KCNJ6: variants seen among roughly 807,000 people sequenced by gnomAD.
KCNJ6 encodes potassium inwardly rectifying channel subfamily J member 6.
Under a neutral mutation model 34.2 loss-of-function variants are expected in KCNJ6, and 9 were observed. The observed-to-expected ratio is 0.26, with a 90% CI of 0.16 to 0.46. The LOEUF (loss-of-function observed/expected upper bound fraction) is 0.46, where lower values mean the gene tolerates loss of function less well. KCNJ6 is among the 20% of genes least tolerant of loss of function. The probability of loss-of-function intolerance (pLI) is 1.00; values close to 1 mark genes in which losing one functional copy is unlikely to be tolerated. For missense variants in KCNJ6, 236 were observed against 531.3 expected (o/e 0.44, Z 5.46); for synonymous variants, 196 against 207.1 (o/e 0.95, Z 0.46).
Position 37,611,795 on chromosome 21 carries a change from CAGTAAAGCAGGAATAG to C in KCNJ6, c.*13348_*13363del, listed in dbSNP as rs1435957456. 1 of 151,904 alleles carries C rather than the reference CAGTAAAGCAGGAATAG, an allele frequency of 6.6e-6. No homozygotes were observed. Among genetic ancestry groups the C allele is most frequent in the Admixed American group, 6.6e-5 (1 of 15,252 alleles). The allele number at this position is 151,904 out of a possible 1,614,324, so 9.4% of individuals were successfully genotyped here. A position where few individuals can be genotyped will look rare whatever the true frequency, so the allele number is the denominator to read the frequency against. Reference sequence around the variant, plus strand: ...AACAGTCTTTCATGATAAAAACACTCAGTAAAGCAGGAATAGAGGAGAAGCCCCTCAACCTGATAAA... The same window carrying C: ...AACAGTCTTTCATGATAAAAACACTCAGGAGAAGCCCCTCAACCTGATAAA... On this transcript the variant is annotated 3_prime_UTR_variant, in exon 4 of 4. Transcript: ENST00000609713.
At chr21:37,907,771 C>T (rs969528537) in intron 1 of KCNJ6, among the ~76,000 whole-genome samples, 5 of 152,202 alleles carry the variant, frequency 3.3e-5, no homozygotes, top group Non-Finnish European at 7.3e-5. Context: ...CCTCCTCCCC[C>T]ACATATTCTC....
chr21:37,607,482 A>ATATATATATATATATATATATT lies in KCNJ6; in HGVS notation c.*17676_*17677insAATATATATATATATATATATA. ...CTTAAAGATATATATATATATATAT[A>ATATATATATATATATATATATT]TTTTTTTTTTATTTTAAAAAAATTT... is the stretch of plus-strand genomic sequence containing the variant. On this transcript the variant is annotated 3_prime_UTR_variant, in exon 4 of 4. Transcript: ENST00000609713. 67 of 136,718 alleles carry ATATATATATATATATATATATT rather than the reference A, an allele frequency of 4.9e-4. No individual in the cohort carries two copies. The highest frequency in any genetic ancestry group is 3.4e-3 in the East Asian group (15 of 4,378). 8.5% of individuals were successfully genotyped at this position (136,718 alleles called of 1,614,324 possible).
In KCNJ6 at chr21:37,655,282, AGAGT is replaced by A. The variant is rs1308151584; in HGVS notation, c.947-29802_947-29799del. Reference sequence around the variant, plus strand: ...GAGAGAGAGAGAGAGAGAGAGAGAGAGAGTGTAACCATGAAGAGGTAATTGATAC... The same window carrying A: ...GAGAGAGAGAGAGAGAGAGAGAGAGAGTAACCATGAAGAGGTAATTGATAC... On this transcript the variant is annotated intron_variant, in intron 3 of 3. Transcript: ENST00000609713. Among the ~76,000 whole-genome samples, 60 of 106,240 alleles carry A rather than the reference AGAGT, an allele frequency of 5.6e-4. 1 individual carries two copies. Among genetic ancestry groups the A allele is most frequent in the African/African-American group, 2.4e-3 (44 of 18,378 alleles). The allele number at this position is 106,240 out of a possible 152,430, so 69.7% of individuals were successfully genotyped here. A position where few individuals can be genotyped will look rare whatever the true frequency, so the allele number is the denominator to read the frequency against.
At chr21:37,716,107 G>A (rs2054789247) in intron 2 of KCNJ6, among the ~76,000 whole-genome samples, 1 of 152,122 alleles carries the variant, frequency 6.6e-6, no homozygotes, top group Non-Finnish European at 1.5e-5. Flanking sequence ...TTGTTCCCTT[G>A]TCACTTTCCT....
intron 2 of KCNJ6, among the ~76,000 whole-genome samples, chr21:37,759,128 A>T (rs1194099751): frequency 1.3e-5 from 2 of 152,042 alleles, no homozygotes; most frequent in East Asian, 1.9e-4. Flanking sequence ...TGGGGAGGAG[A>T]TCAGCTCGCA....
At chr21:37,689,120 A>T (rs920946122) in intron 3 of KCNJ6, among the ~76,000 whole-genome samples, 1 of 152,166 alleles carries the variant, frequency 6.6e-6, no homozygotes, top group African/African-American at 2.4e-5. Flanking sequence ...CTGTTCCTCT[A>T]TCTATTGAAG....
At chr21:37,862,283 G>T (rs544102420) in intron 1 of KCNJ6, among the ~76,000 whole-genome samples, 1 of 152,204 alleles carries the variant, frequency 6.6e-6, no homozygotes, top group Admixed American at 6.5e-5. Flanking sequence ...AGGGCTGGAG[G>T]GGGTCACTAT....
chr21:37,837,750 A>C (rs182891935), intron 2 of KCNJ6, among the ~76,000 whole-genome samples: 45 of 148,058 alleles, frequency 3.0e-4, no homozygotes, highest in African/African-American at 1.1e-3. Context: ...GCCATGGTTT[A>C]TGTTCCCATC....
In KCNJ6 at chr21:37,620,830, G is replaced by A. The variant is rs2054287839; in HGVS notation, c.*4329C>T. Reference sequence around the variant, plus strand: ...TTGTTGGGTTATTATTATATATTCTGTGATTTATCAAAATCTCTTAGCAGC... The same window carrying A: ...TTGTTGGGTTATTATTATATATTCTATGATTTATCAAAATCTCTTAGCAGC... On this transcript the variant is annotated 3_prime_UTR_variant, in exon 4 of 4. Transcript: ENST00000609713. The A allele has an allele frequency of 6.6e-6, 1 of 152,176 alleles. No individual in the cohort carries two copies. Among genetic ancestry groups the A allele is most frequent in the African/African-American group, 2.4e-5 (1 of 41,436 alleles). 9.4% of individuals were successfully genotyped at this position (152,176 alleles called of 1,614,324 possible).
chr21:37,676,220 G>C (rs2054564096), intron 3 of KCNJ6, among the ~76,000 whole-genome samples: 1 of 152,210 alleles, frequency 6.6e-6, no homozygotes, highest in South Asian at 2.1e-4. Flanking sequence ...CTGACCTTTG[G>C]GTCAGCGGTG....
intron 3 of KCNJ6, among the ~76,000 whole-genome samples, chr21:37,684,896 C>T (rs1409241529): frequency 6.6e-6 from 1 of 152,122 alleles, no homozygotes; most frequent in Non-Finnish European, 1.5e-5. Flanking sequence ...CCAAGTATAA[C>T]ATAAAACTGA....
At chr21:37,654,344 C>T (rs1402342792) in intron 3 of KCNJ6, among the ~76,000 whole-genome samples, 1 of 151,906 alleles carries the variant, frequency 6.6e-6, no homozygotes, top group Non-Finnish European at 1.5e-5. Flanking sequence ...CGTCTGTCAG[C>T]TCTTCTGCTA....
In KCNJ6 at chr21:37,612,743, A is replaced by G. The variant is rs1053151038; in HGVS notation, c.*12416T>C. 1.4e-5 allele frequency: 2 copies of G among 141,934 alleles called. No homozygotes were observed. The highest frequency in any genetic ancestry group is 1.4e-4 in the Admixed American group (2 of 14,266). 8.8% of individuals were successfully genotyped at this position (141,934 alleles called of 1,614,324 possible). A position where few individuals can be genotyped will look rare whatever the true frequency, so the allele number is the denominator to read the frequency against. ...CACAGGCAAAAAAAAAAAAAAAAAA[A>G]AGAGTCTAAATACAGACCTAACAAA... On this transcript the variant is annotated 3_prime_UTR_variant, in exon 4 of 4. Transcript: ENST00000609713.
At chr21:37,862,943 T>C (rs562087774) in intron 1 of KCNJ6, among the ~76,000 whole-genome samples, 9 of 152,216 alleles carry the variant, frequency 5.9e-5, no homozygotes, top group African/African-American at 1.4e-4. Context: ...GGACAGAGAC[T>C]CTTAAAAAGG....
intron 1 of KCNJ6, among the ~76,000 whole-genome samples, chr21:37,873,602 G>A (rs890634670): frequency 2.0e-5 from 3 of 152,132 alleles, no homozygotes; most frequent in African/African-American, 7.2e-5. Flanking sequence ...TAATCTATAA[G>A]TGTTTCTGCA....
chr21:37,673,466 C>T (rs887510466), intron 3 of KCNJ6, among the ~76,000 whole-genome samples: 10 of 152,224 alleles, frequency 6.6e-5, no homozygotes, highest in Admixed American at 1.3e-4. Context: ...GCTTCCTTTT[C>T]TCAGGGATAG....
chr21:37,720,493 G>C (rs2054819343), intron 2 of KCNJ6, among the ~76,000 whole-genome samples: 1 of 152,170 alleles, frequency 6.6e-6, no homozygotes, highest in South Asian at 2.1e-4. Flanking sequence ...AACTGTCCAG[G>C]GGACCTTGAA....
rs116162421 is a variant in KCNJ6 at position 37,689,030 on chromosome 21, G to A, written c.946+25181C>T. On this transcript the variant is annotated intron_variant, in intron 3 of 3. Coordinates refer to ENST00000609713, the MANE Select transcript of KCNJ6 (RefSeq NM_002240.5). ...TTGGTGATATAAATCACCATATATC[G>A]TTGGTGATAAATCAAAGGTGATATA... Among the ~76,000 whole-genome samples, 1,164 of 152,214 alleles carry A rather than the reference G, an allele frequency of 7.6e-3. 16 individuals are homozygous for A. Among genetic ancestry groups the A allele is most frequent in the African/African-American group, 0.027 (1,112 of 41,530 alleles).
chr21:37,691,818 A>G (rs2054641156), intron 3 of KCNJ6, among the ~76,000 whole-genome samples: 1 of 152,184 alleles, frequency 6.6e-6, no homozygotes, highest in East Asian at 1.9e-4. Flanking sequence ...TAGACCCTGC[A>G]GGCAGGCCCC....
Sources: allele counts gnomAD v4.1 joint callset (sites outside exome capture counted in the v4.1 genomes callset), GRCh38; gene constraint gnomAD v4.1.1; transcripts MANE v1.5; gene names NCBI Gene and HGNC (gene_info 2026-07-23, HGNC 2026-07-21).